CBR4: variants seen among roughly 807,000 people sequenced by gnomAD.
CBR4 encodes carbonyl reductase 4.
Under a neutral mutation model 21.0 loss-of-function variants are expected in CBR4, and 22 were observed. The ratio of observed to expected loss-of-function variants is 1.05; its 90% confidence interval spans 0.75 to 1.50. CBR4 has a LOEUF of 1.50. CBR4 is among the 40% of genes most tolerant of loss of function. The pLI, the probability that CBR4 is intolerant of heterozygous loss-of-function variation, is 0.00. For synonymous variants in CBR4, 100 were observed against 104.4 expected, an observed-to-expected ratio of 0.96 and a Z score of 0.26; for missense variants, 302 against 286.3, an observed-to-expected ratio of 1.05 and a Z score of -0.40.
chr4:168,942,390 TTAAAG>T (rs1042818678), intron 2 of CBR4, among the ~76,000 whole-genome samples: 8 of 151,750 alleles, frequency 5.3e-5, no homozygotes, highest in Admixed American at 2.0e-4. Flanking sequence ...ATCCCAGAAT[TTAAAG>T]TACAATTTAA....
rs74596556 is a variant in CBR4 at position 168,931,408 on chromosome 4, G to A, written n.170-36643C>T. Among the ~76,000 whole-genome samples, 1,165 of 151,700 alleles carry A rather than the reference G, an allele frequency of 7.7e-3. 17 individuals carry two copies. The highest frequency in any genetic ancestry group is 0.026 in the African/African-American group (1,088 of 41,206). ...CCCTAGACCTTCCCAGCAGCCCTGTGCCCATGCCCAGGGCCTGAGAAACAG... is the reference window on the plus strand; with the variant it reads ...CCCTAGACCTTCCCAGCAGCCCTGTACCCATGCCCAGGGCCTGAGAAACAG... On this transcript the variant is annotated intron_variant and non_coding_transcript_variant, in intron 2 of 3. Coordinates refer to the CBR4 transcript ENST00000509108.
chr4:168,963,580 C>T (rs1281913130), intron 2 of CBR4, among the ~76,000 whole-genome samples: 3 of 151,560 alleles, frequency 2.0e-5, no homozygotes, highest in African/African-American at 7.3e-5. Flanking sequence ...AAGCAGTTCT[C>T]CTACCTCAGC....
chr4:168,960,906 C>A (rs536524096), intron 2 of CBR4, among the ~76,000 whole-genome samples: 1 of 152,280 alleles, frequency 6.6e-6, no homozygotes, highest in African/African-American at 2.4e-5. Flanking sequence ...ACTCTATAAG[C>A]ACAAGCTGTT....
At chr4:169,006,302 A>C (rs1437332818) in intron 3 of CBR4, among the ~76,000 whole-genome samples, 3 of 152,186 alleles carry the variant, frequency 2.0e-5, no homozygotes, top group Admixed American at 6.5e-5. Context: ...TGAGTTAAAG[A>C]CCAGCCTAGG....
chr4:168,904,500 A>G (rs773756194), intron 2 of CBR4, among the ~76,000 whole-genome samples: 4 of 152,206 alleles, frequency 2.6e-5, no homozygotes, highest in Non-Finnish European at 5.9e-5. Flanking sequence ...GCTGGGTATC[A>G]TGTTGCCAGT....
intron 2 of CBR4, among the ~76,000 whole-genome samples, chr4:168,940,766 A>T (rs1358982442): frequency 6.6e-6 from 1 of 152,254 alleles, no homozygotes; most frequent in Non-Finnish European, 1.5e-5. Context: ...GCAATCATTA[A>T]AAGTCAGGAA....
intron 2 of CBR4, among the ~76,000 whole-genome samples, chr4:168,971,709 GGATA>G (rs1448282998): frequency 3.3e-5 from 5 of 152,044 alleles, no homozygotes; most frequent in Non-Finnish European, 5.9e-5. Flanking sequence ...TTTGTCAGAT[GGATA>G]GTTTCTGAAT....
At chr4:168,934,282 C>CAAAAAAAAAAAAAAAAAAAAAAAAA (rs60538970) in intron 2 of CBR4, among the ~76,000 whole-genome samples, 3 of 18,178 alleles carry the variant, frequency 1.7e-4, no homozygotes, top group Non-Finnish European at 2.1e-4. Flanking sequence ...GCAAAAAAAA[C>CAAAAAAAAAAAAAAAAAAAAAAAAA]AAAAAAAAAA....
At chr4:168,972,634 T>A (rs112846148) in intron 2 of CBR4, among the ~76,000 whole-genome samples, 49 of 152,338 alleles carry the variant, frequency 3.2e-4, no homozygotes, top group Admixed American at 1.1e-3. Context: ...TGATTTTGTA[T>A]CCTGAAACTT....
chr4:168,975,269 T>TC (rs1347499212), intron 2 of CBR4, among the ~76,000 whole-genome samples: 1 of 152,226 alleles, frequency 6.6e-6, no homozygotes, highest in African/African-American at 2.4e-5. Flanking sequence ...CCTTCAGGTC[T>TC]CCCAGCCATG....
chr4:168,957,835 G>A (rs556158249), intron 2 of CBR4, among the ~76,000 whole-genome samples: 3 of 152,188 alleles, frequency 2.0e-5, no homozygotes, highest in Admixed American at 6.6e-5. Context: ...TGAATCATGG[G>A]GGTAGTTACC....
At chr4:168,921,309 A>G (rs1761440180) in intron 2 of CBR4, among the ~76,000 whole-genome samples, 1 of 149,104 alleles carries the variant, frequency 6.7e-6, no homozygotes, top group Non-Finnish European at 1.5e-5. Flanking sequence ...CAGGAGGCTG[A>G]GACAGGAGAA....
At chr4:168,950,207 G>A (rs963769194) in intron 2 of CBR4, among the ~76,000 whole-genome samples, 1 of 151,962 alleles carries the variant, frequency 6.6e-6, no homozygotes, top group Non-Finnish European at 1.5e-5. Context: ...TTGAGGTGTG[G>A]CCTTAGAATG....
chr4:168,954,804 C>T (rs1011155488), intron 2 of CBR4, among the ~76,000 whole-genome samples: 4 of 152,036 alleles, frequency 2.6e-5, no homozygotes, highest in Admixed American at 2.0e-4. Flanking sequence ...AAGATGATAC[C>T]GCCCCTAAAC....
chr4:168,929,805 A>G (rs1310138033), intron 2 of CBR4, among the ~76,000 whole-genome samples: 1 of 152,196 alleles, frequency 6.6e-6, no homozygotes, highest in Non-Finnish European at 1.5e-5. Context: ...ATGGGATGAT[A>G]ATTTTGACAT....
chr4:168,910,082 C>T (rs899295761), intron 2 of CBR4, among the ~76,000 whole-genome samples: 1 of 152,040 alleles, frequency 6.6e-6, no homozygotes, highest in Non-Finnish European at 1.5e-5. Flanking sequence ...GATAACTATT[C>T]CTTTTTCTTA....
At chr4:169,000,362 G>A (rs1377520478) in intron 4 of CBR4, among the ~76,000 whole-genome samples, 1 of 151,042 alleles carries the variant, frequency 6.6e-6, no homozygotes, top group Non-Finnish European at 1.5e-5. Context: ...ATGTCTGAAT[G>A]TAGCTAGTTG....
At chr4:168,999,273 G>A (rs1027105568) in intron 4 of CBR4, among the ~76,000 whole-genome samples, 3 of 152,040 alleles carry the variant, frequency 2.0e-5, no homozygotes, top group Non-Finnish European at 4.4e-5. Flanking sequence ...AAGGTGACCA[G>A]GAAAACTGAC....
rs945513328 is a variant in CBR4 at position 168,990,049 on chromosome 4, G to A, written c.*101C>T. 7.5e-7 allele frequency: 1 copy of A among 1,333,448 alleles called. No individual in the cohort carries two copies. The highest frequency in any genetic ancestry group is 9.7e-7 in the Non-Finnish European group (1 of 1,033,760). 82.6% of individuals were successfully genotyped at this position (1,333,448 alleles called of 1,614,324 possible). A position where few individuals can be genotyped will look rare whatever the true frequency, so the allele number is the denominator to read the frequency against. On this transcript the variant is annotated 3_prime_UTR_variant, in exon 5 of 5. Transcript: ENST00000306193. ...GAAATTAACATTTGTAGCATCAGCA[G>A]GTTTGATTAGCACATGTTACCCATG... is the stretch of plus-strand genomic sequence containing the variant.
Sources: gnomAD v4.1 joint callset for allele counts (sites outside exome capture counted in the v4.1 genomes callset) on GRCh38, gnomAD v4.1.1 for gene constraint, MANE v1.5 for transcripts, NCBI Gene and HGNC (gene_info 2026-07-23, HGNC 2026-07-21) for gene names.